Variants in KRR1 observed in about 807,000 individuals in gnomAD.
KRR1 encodes KRR1 small subunit processome component.
A neutral mutation model predicts 50.0 loss-of-function variants in KRR1; 23 were observed. The ratio of observed to expected loss-of-function variants is 0.46; its 90% confidence interval spans 0.33 to 0.65. The LOEUF (loss-of-function observed/expected upper bound fraction) is 0.65, where lower values mean the gene tolerates loss of function less well. Among genes scored for constraint, KRR1 ranks in the 30% least tolerant of loss-of-function variants. The pLI is 0.02. For synonymous variants in KRR1, 133 were observed against 146.3 expected (o/e 0.91, Z 0.66); for missense variants, 419 against 442.4 (o/e 0.95, Z 0.47).
rs1035826809 is a variant in KRR1, at chr12:75,499,686, AACC to A, written c.*120_*122del. ...TTATAAAGAACACTCTTCTATGAAC[AACC>A]ACCACCACCAAAAAAAAAAAAAGCC... On this transcript the variant is annotated 3_prime_UTR_variant, in exon 10 of 10. Transcript: ENST00000229214. 319 of 557,280 alleles carry A rather than the reference AACC, an allele frequency of 5.7e-4. No homozygotes were observed. The highest frequency in any genetic ancestry group is 8.4e-4 in the Non-Finnish European group (282 of 337,630). The allele number at this position is 557,280 out of a possible 1,614,324, so 34.5% of individuals were successfully genotyped here.
chr12:75,496,759 T>C lies in KRR1; in HGVS notation c.*3050A>G, dbSNP rs543117656. The C allele has an allele frequency of 6.6e-6, 1 of 152,322 alleles. No homozygotes were observed. The highest frequency in any genetic ancestry group is 6.5e-5 in the Admixed American group (1 of 15,304). The allele number at this position is 152,322 out of a possible 1,614,324, so 9.4% of individuals were successfully genotyped here. Reference sequence around the variant, plus strand: ...TTTAGTTTGGAAAAAAGTGTTCCATTGCTCATGTTTTATAAGGTCCCTTGC... The same window carrying C: ...TTTAGTTTGGAAAAAAGTGTTCCATCGCTCATGTTTTATAAGGTCCCTTGC... On this transcript the variant is annotated 3_prime_UTR_variant, in exon 10 of 10. Transcript: ENST00000229214.
chr12:75,499,889 T>C lies in KRR1; in HGVS notation c.1066A>G (p.Lys356Glu). The C allele has an allele frequency of 6.2e-7, 1 of 1,609,984 alleles. No homozygotes were observed. Among genetic ancestry groups the C allele is most frequent in the South Asian group, 1.1e-5 (1 of 90,596 alleles). The change falls in exon 10 of 10, where the codon AAG becomes GAG. Residue 356 changes from lysine to glutamate, a missense_variant. Lys to Glu is a moderately conservative substitution (Grantham distance 56). Coordinates refer to ENST00000229214, the MANE Select transcript of KRR1 (RefSeq NM_007043.7). The stretch of plus-strand genomic sequence containing the variant: ...TCAGCTGTAAGAGCTCCCAGTTTCT[T>C]ATTCTTTGCTTTCTTAACCTTTTCC... ...IKEKVKKAKNKKLGALTAEEI... is the reference protein window; with the variant it reads ...IKEKVKKAKNEKLGALTAEEI...
At chr12:75,503,218 A>G (rs373862513) in intron 7 of KRR1, 21 of 152,186 alleles carry the variant, frequency 1.4e-4, no homozygotes, top group African/African-American at 3.4e-4. Context: ...AAATATTTCA[A>G]TAAAATGCAA....
At chr12:75,511,457 A>G in intron 1 of KRR1, 56 bp downstream of exon 1, 1 of 1,486,240 alleles carries the variant, frequency 6.7e-7, no homozygotes, top group East Asian at 2.3e-5. Context: ...CGAAAGAAAA[A>G]AACATCGCAA....
rs1205006509 is a variant in KRR1 at position 75,495,934 on chromosome 12, C to T, written c.*3875G>A. The T allele has an allele frequency of 2.4e-5, 6 of 247,170 alleles. No homozygotes were observed. Among genetic ancestry groups the T allele is most frequent in the Non-Finnish European group, 3.8e-5 (5 of 130,128 alleles). The allele number at this position is 247,170 out of a possible 1,614,324, so 15.3% of individuals were successfully genotyped here. On this transcript the variant is annotated 3_prime_UTR_variant, in exon 10 of 10. Transcript: ENST00000229214. ...TGTAGACTAAGATTCCTAAGATTTGCTTATTTCAGCAAGATCAAAAATAAG... is the reference window on the plus strand; with the variant it reads ...TGTAGACTAAGATTCCTAAGATTTGTTTATTTCAGCAAGATCAAAAATAAG...
At position 75,506,315 on chromosome 12, in the gene KRR1, C is replaced by T; in HGVS notation, c.603+1G>A. The T allele has an allele frequency of 1.9e-6, 3 of 1,587,976 alleles. No individual in the cohort carries two copies. Among genetic ancestry groups the T allele is most frequent in the Non-Finnish European group, 2.6e-6 (3 of 1,159,312 alleles). ...AATCGAAGATAATACATAGTTCTCA[C>T]CTCTTTTAAGCCACTAAAAGGTCCA... On this transcript the variant is annotated splice_donor_variant, in intron 5 of 9. Coordinates refer to ENST00000229214, the MANE Select transcript of KRR1 (RefSeq NM_007043.7). LOFTEE classifies it high-confidence loss of function.
chr12:75,498,691 C>CAGTT lies in KRR1; in HGVS notation c.*1114_*1117dup. ...TTTTTCTTTCTTCCCCCTAACTTTA[C>CAGTT]AGTTAACCGACAGCGAGACCAAGTC... On this transcript the variant is annotated 3_prime_UTR_variant, in exon 10 of 10. Transcript: ENST00000229214. The CAGTT allele has an allele frequency of 1.2e-6, 2 of 1,610,600 alleles. No homozygotes were observed. Among genetic ancestry groups the CAGTT allele is most frequent in the Non-Finnish European group, 1.7e-6 (2 of 1,177,072 alleles).
At chr12:75,500,012 A>G (rs2046380661) in intron 9 of KRR1, 61 bp from the exon 10 acceptor site, 1 of 1,312,664 alleles carries the variant, frequency 7.6e-7, no homozygotes, top group African/African-American at 1.5e-5. Context: ...AAAACAAAGA[A>G]TATATGTTTA....
chr12:75,503,878 T>C (rs757460554), intron 7 of KRR1, 26 bp downstream of exon 7: 41 of 1,562,804 alleles, frequency 2.6e-5, no homozygotes, highest in Non-Finnish European at 3.1e-5. Context: ...TTCTCCTTCA[T>C]ATGAAGTTCT....
intron 6 of KRR1, 116 bp from the exon 7 acceptor site, chr12:75,504,190 T>C: frequency 1.5e-6 from 1 of 667,352 alleles, no homozygotes; most frequent in Non-Finnish European, 2.3e-6. Context: ...CTAGTTTCTT[T>C]GGTGAAATTA....
At chr12:75,502,025 A>G in intron 7 of KRR1, 25 bp from the exon 8 acceptor site, 1 of 1,577,222 alleles carries the variant, frequency 6.3e-7, no homozygotes, top group South Asian at 1.1e-5. Flanking sequence ...ATTTACAATT[A>G]CATCAGAAAT....
intron 9 of KRR1, 199 bp from the exon 10 acceptor site, chr12:75,500,150 A>C: frequency 2.5e-6 from 1 of 404,176 alleles, no homozygotes; most frequent in African/African-American, 2.1e-5. Context: ...AGATTAAGAT[A>C]AAACAAATCA....
intron 9 of KRR1, 66 bp downstream of exon 9, chr12:75,501,657 A>C: frequency 7.7e-6 from 8 of 1,043,572 alleles, no homozygotes; most frequent in Non-Finnish European, 1.0e-5. Context: ...AAAAAGATTC[A>C]GACAAATTTA....
chr12:75,505,597 T>TA (rs141561347), intron 5 of KRR1, among the ~76,000 whole-genome samples: 5,666 of 152,142 alleles, frequency 0.037, 324 homozygotes, highest in African/African-American at 0.13. Context: ...ATTTGTAATA[T>TA]AAGATAAAAC....
In KRR1 at chr12:75,506,527, T is replaced by C. The variant is rs115453918; in HGVS notation, c.476A>G (p.Lys159Arg). 6.2e-7 allele frequency: 1 copy of C among 1,610,932 alleles called. No homozygotes were observed. The highest frequency in any genetic ancestry group is 1.7e-4 in the Middle Eastern group (1 of 6,032). Residue 159 changes from lysine (K) to arginine (R), a missense_variant, in exon 4 of 10, where the codon AAA becomes AGA. Physicochemically the swap from Lys to Arg is conservative, Grantham distance 26. Transcript: ENST00000229214. ...GGGACCAATAAGCCGTTGTCTTCGTTTTACAAATCTCTCTTTATTCCTTAC... is the reference window on the plus strand; with the variant it reads ...GGGACCAATAAGCCGTTGTCTTCGTCTTACAAATCTCTCTTTATTCCTTAC... ...SLVRNKERFV[K>R]RRQRLIGPKG...
intron 7 of KRR1, 98 bp downstream of exon 7, chr12:75,503,806 T>C (rs2046409993): frequency 4.7e-6 from 5 of 1,058,388 alleles, no homozygotes; most frequent in Admixed American, 2.2e-5. Flanking sequence ...AATATATATA[T>C]ATACACATAT....
chr12:75,503,410 A>G (rs2046407418), intron 7 of KRR1: 1 of 152,170 alleles, frequency 6.6e-6, no homozygotes, highest in African/African-American at 2.4e-5. Context: ...GACAGAAGTA[A>G]AAAGGGGCAT....
At position 75,495,530 on chromosome 12, in the gene KRR1, T is replaced by A. The variant is rs755350205; in HGVS notation, c.*4279A>T. ...AAGGATTCATAGTAAATTGCAATTTTAAAAAACCGAAAAACTTCTAATGGA... is the reference window on the plus strand; with the variant it reads ...AAGGATTCATAGTAAATTGCAATTTAAAAAAACCGAAAAACTTCTAATGGA... On this transcript the variant is annotated 3_prime_UTR_variant, in exon 10 of 10. Transcript: ENST00000229214. The A allele has an allele frequency of 2.7e-6, 3 of 1,114,482 alleles. No homozygotes were observed. In the Admixed American group the frequency reaches 5.3e-5, roughly 20 times the overall value. The allele number at this position is 1,114,482 out of a possible 1,614,324, so 69.0% of individuals were successfully genotyped here.
rs1481761266 is a variant in KRR1 at position 75,501,948 on chromosome 12, T to C, written c.884A>G (p.Lys295Arg). 6.2e-7 allele frequency: 1 copy of C among 1,612,720 alleles called. No individual in the cohort carries two copies. Among genetic ancestry groups the C allele is most frequent in the Admixed American group, 1.7e-5 (1 of 59,920 alleles). ...CTTTATTGCTTCCATTTTCTGCCGC[T>C]TCTTCTGATTTGCCTTCAAAAAGTA... The part of the protein sequence containing the change: ...GEYFLKANQK[K>R]RQKMEAIKAK... The change falls in exon 8 of 10, where the codon AAG (lysine) becomes AGG (arginine). Residue 295 changes from lysine to arginine, a missense_variant. Coordinates refer to ENST00000229214, the MANE Select transcript of KRR1 (RefSeq NM_007043.7).
Sources: allele counts gnomAD v4.1 joint callset (sites outside exome capture counted in the v4.1 genomes callset), GRCh38; gene constraint gnomAD v4.1.1; transcripts MANE v1.5; gene names NCBI Gene and HGNC (gene_info 2026-07-23, HGNC 2026-07-21).